Variants in ASTN1 observed in about 807,000 individuals in gnomAD.
The protein encoded by ASTN1 is astrotactin 1.
Under a neutral mutation model 140.7 loss-of-function variants are expected in ASTN1, and 41 were observed. The observed-to-expected ratio is 0.29, with a 90% CI of 0.23 to 0.38. ASTN1 has a LOEUF of 0.38. Among genes scored for constraint, ASTN1 ranks in the 10% least tolerant of loss-of-function variants. ASTN1 has a pLI of 1.00. For synonymous variants in ASTN1, 640 were observed against 652.2 expected (o/e 0.98, Z 0.29); for missense variants, 1,479 against 1,678.8 (o/e 0.88, Z 2.08).
intron 3 of ASTN1, 43 bp from the exon 4 acceptor site, chr1:177,030,995 C>A: frequency 1.7e-5 from 27 of 1,575,352 alleles, no homozygotes; most frequent in Non-Finnish European, 2.3e-5. Flanking sequence ...AGAGAAAAGA[C>A]CAAAAGAAAG....
intron 8 of ASTN1, among the ~76,000 whole-genome samples, chr1:176,993,278 T>C (rs1308201059): frequency 1.3e-5 from 2 of 152,188 alleles, no homozygotes. Context: ...ATAGTCCATG[T>C]CCTTAAGGAG....
At chr1:176,864,583 C>A (rs1668070872) in intron 22 of ASTN1, 62 bp from the exon 23 acceptor site, 1 of 1,583,376 alleles carries the variant, frequency 6.3e-7, no homozygotes, top group Middle Eastern at 1.8e-4. Context: ...ATGAGCACAG[C>A]TACTGTTAGT....
chr1:177,045,973 C>T (rs1677199896), intron 2 of ASTN1, among the ~76,000 whole-genome samples: 2 of 152,170 alleles, frequency 1.3e-5, no homozygotes, highest in Non-Finnish European at 2.9e-5. Flanking sequence ...AACGAAAGTG[C>T]TAATTTTGCA....
chr1:177,144,044 C>T (rs1439067314), intron 1 of ASTN1, among the ~76,000 whole-genome samples: 1 of 151,896 alleles, frequency 6.6e-6, no homozygotes, highest in Admixed American at 6.6e-5. Context: ...TTTTCTTTGC[C>T]TTTAGGGTTA....
intron 1 of ASTN1, among the ~76,000 whole-genome samples, chr1:177,129,068 G>T (rs902966968): frequency 6.6e-6 from 1 of 152,148 alleles, no homozygotes; most frequent in African/African-American, 2.4e-5. Flanking sequence ...ACCAATAGAT[G>T]AAGATGATAA....
At chr1:177,070,725 G>C (rs997743240) in intron 1 of ASTN1, among the ~76,000 whole-genome samples, 3 of 152,136 alleles carry the variant, frequency 2.0e-5, no homozygotes, top group Non-Finnish European at 4.4e-5. Flanking sequence ...ACTTGACCAA[G>C]TTCACCCCGT....
Position 177,127,251 on chromosome 1 carries a change from C to T in ASTN1, c.283+37143G>A, listed in dbSNP as rs954145237. Among the ~76,000 whole-genome samples, 13 of 151,942 alleles carry T rather than the reference C, an allele frequency of 8.6e-5. No homozygotes were observed. In the East Asian group the frequency reaches 1.7e-3, roughly 20 times the overall value. On this transcript the variant is annotated intron_variant, in intron 1 of 22. Transcript: ENST00000361833. ...TCCTGTATGTGGAAGACTTTAGTGT[C>T]GATTGCACACTAAAGAAATTTCATT...
At chr1:177,138,599 T>A (rs1029416624) in intron 1 of ASTN1, among the ~76,000 whole-genome samples, 1 of 152,208 alleles carries the variant, frequency 6.6e-6, no homozygotes, top group East Asian at 1.9e-4. Context: ...CAAATAGCTG[T>A]GTCCTGAGGT....
chr1:177,128,134 A>G (rs574061802), intron 1 of ASTN1, among the ~76,000 whole-genome samples: 12 of 152,194 alleles, frequency 7.9e-5, no homozygotes, highest in Admixed American at 2.0e-4. Context: ...CTGTCTTTAG[A>G]TGAATTAGGG....
chr1:177,106,916 T>C (rs1484629572), intron 1 of ASTN1, among the ~76,000 whole-genome samples: 3 of 152,188 alleles, frequency 2.0e-5, no homozygotes, highest in Admixed American at 6.5e-5. Context: ...ATGTTGAGGC[T>C]TGGAGAAGCA....
At chr1:176,869,797 C>T (rs957352413) in intron 21 of ASTN1, among the ~76,000 whole-genome samples, 11 of 152,108 alleles carry the variant, frequency 7.2e-5, no homozygotes, top group Non-Finnish European at 1.6e-4. Flanking sequence ...GCAGGGCAGC[C>T]CTGGCAGTGG....
Position 176,966,033 on chromosome 1 carries a change from AT to A in ASTN1, c.1524-797del, listed in dbSNP as rs1230638711. ...TTCACTAACCCAGATCTCTAAGCCC[AT>A]TATTTAATTATTAAAGCAAGACTTA... is the stretch of plus-strand genomic sequence containing the variant. On this transcript the variant is annotated intron_variant, in intron 8 of 22. Coordinates refer to ENST00000361833, the MANE Select transcript of ASTN1 (RefSeq NM_004319.3). Among the ~76,000 whole-genome samples the A allele has an allele frequency of 2.0e-5, 3 of 152,328 alleles. No individual in the cohort carries two copies. In the South Asian group the frequency reaches 6.2e-4, roughly 32 times the overall value.
downstream of ASTN1, among the ~76,000 whole-genome samples, chr1:176,858,303 A>G (rs566775036): frequency 6.6e-5 from 10 of 152,372 alleles, no homozygotes; most frequent in South Asian, 2.1e-3. Context: ...GTAAAATTTT[A>G]TTATATAATG....
At chr1:177,144,051 G>T (rs527523631) in intron 1 of ASTN1, among the ~76,000 whole-genome samples, 3 of 152,046 alleles carry the variant, frequency 2.0e-5, no homozygotes, top group African/African-American at 7.2e-5. Context: ...TGCCTTTAGG[G>T]TTAGCTAGAA....
chr1:176,872,163 G>T (rs1035902056), intron 21 of ASTN1, among the ~76,000 whole-genome samples: 8 of 150,916 alleles, frequency 5.3e-5, no homozygotes, highest in Non-Finnish European at 1.0e-4. Context: ...CAAGATTCTT[G>T]TGAGAATAAA....
intron 1 of ASTN1, among the ~76,000 whole-genome samples, chr1:177,069,027 C>T (rs1046370014): frequency 6.6e-6 from 1 of 151,772 alleles, no homozygotes; most frequent in African/African-American, 2.4e-5. Flanking sequence ...CACCATGTTG[C>T]CCAGGCTGGT....
intron 21 of ASTN1, among the ~76,000 whole-genome samples, chr1:176,869,297 C>A (rs958240797): frequency 6.6e-6 from 1 of 152,022 alleles, no homozygotes; most frequent in African/African-American, 2.4e-5. Flanking sequence ...AACCCAAGGC[C>A]TGAAGAAAGT....
chr1:176,966,342 C>T (rs1223155395), intron 8 of ASTN1, among the ~76,000 whole-genome samples: 2 of 152,156 alleles, frequency 1.3e-5, no homozygotes, highest in Non-Finnish European at 2.9e-5. Context: ...TTCAATGACA[C>T]AATGACTGAA....
chr1:177,115,494 T>A (rs533513328), intron 1 of ASTN1, among the ~76,000 whole-genome samples: 8 of 152,010 alleles, frequency 5.3e-5, no homozygotes, highest in African/African-American at 1.9e-4. Flanking sequence ...CTACCTCTAC[T>A]AAAAATACAA....
Sources: gnomAD v4.1 joint callset for allele counts (sites outside exome capture counted in the v4.1 genomes callset) on GRCh38, gnomAD v4.1.1 for gene constraint, MANE v1.5 for transcripts, NCBI Gene and HGNC (gene_info 2026-07-23, HGNC 2026-07-21) for gene names.